HEBP1: variants seen among roughly 807,000 people sequenced by gnomAD.
The protein encoded by HEBP1 is heme-binding protein 1.
HEBP1 carries 13 observed loss-of-function variants against 20.4 expected under a neutral mutation model. The observed-to-expected ratio is 0.64, with a 90% CI of 0.42 to 1.01. The LOEUF (loss-of-function observed/expected upper bound fraction) is 1.01, where lower values mean the gene tolerates loss of function less well. Ranked by LOEUF, HEBP1 falls within the 50% of genes least tolerant of loss-of-function variation. HEBP1 has a pLI of 0.00. For missense variants in HEBP1, 241 were observed against 247.3 expected (o/e 0.97, Z 0.17); for synonymous variants, 92 against 90.7 (o/e 1.01, Z -0.08).
At chr12:12,992,287 T>C (rs1864233701) in intron 1 of HEBP1, among the ~76,000 whole-genome samples, 1 of 152,180 alleles carries the variant, frequency 6.6e-6, no homozygotes, top group Admixed American at 6.5e-5. Context: ...AAGAGCAACC[T>C]TCACCCCCCA....
At chr12:12,991,020 CA>C (rs1864218862) in intron 1 of HEBP1, among the ~76,000 whole-genome samples, 1 of 152,124 alleles carries the variant, frequency 6.6e-6, no homozygotes, top group African/African-American at 2.4e-5. Flanking sequence ...CACTACCTGC[CA>C]AATTATCTTT....
intron 3 of HEBP1, among the ~76,000 whole-genome samples, chr12:12,976,768 G>A (rs1309882229): frequency 6.6e-6 from 1 of 152,236 alleles, no homozygotes; most frequent in Non-Finnish European, 1.5e-5. Flanking sequence ...ATATATTGAA[G>A]AGATTATAAG....
In HEBP1 at chr12:12,998,139, C is replaced by CCCTT. The variant is rs1864313388; in HGVS notation, c.78+1897_78+1898insAAGG. Among the ~76,000 whole-genome samples the CCCTT allele has an allele frequency of 6.6e-6, 1 of 151,108 alleles. No individual in the cohort carries two copies. The highest frequency in any genetic ancestry group is 6.6e-5 in the Admixed American group (1 of 15,148). On this transcript the variant is annotated intron_variant, in intron 1 of 3. Transcript: ENST00000014930. This position sits in a 1 kb window ranked among gnomAD's most constrained non-coding sequence, Gnocchi z 4.2. ...CTCCTAATACTCCCTATTCCTCACT[C>CCCTT]CCCTGCTTGCTTTTCTTCACAGCAC...
chr12:12,991,684 C>T (rs970077492), intron 1 of HEBP1, among the ~76,000 whole-genome samples: 4 of 152,218 alleles, frequency 2.6e-5, no homozygotes, highest in Non-Finnish European at 4.4e-5. Context: ...GCATTTTTTA[C>T]AGCCTGTCTT....
At chr12:12,995,444 A>G (rs953863745) in intron 1 of HEBP1, among the ~76,000 whole-genome samples, 1 of 152,130 alleles carries the variant, frequency 6.6e-6, no homozygotes, top group Non-Finnish European at 1.5e-5. Flanking sequence ...ACCTAGTTTT[A>G]CTCTAATGAC....
At chr12:12,975,526 G>T in intron 3 of HEBP1, 47 bp from the exon 4 acceptor site, 1 of 1,511,344 alleles carries the variant, frequency 6.6e-7, no homozygotes, top group South Asian at 1.2e-5. Context: ...CATGACCTCT[G>T]AGAGAGGGGG....
At chr12:12,981,999 T>C (rs1167160945) in intron 3 of HEBP1, among the ~76,000 whole-genome samples, 3 of 152,218 alleles carry the variant, frequency 2.0e-5, no homozygotes, top group Non-Finnish European at 4.4e-5. Flanking sequence ...GTTTTTGTTT[T>C]TTATTTAGAG....
At chr12:12,988,654 C>T (rs191522631) in intron 2 of HEBP1, among the ~76,000 whole-genome samples, 2 of 152,292 alleles carry the variant, frequency 1.3e-5, no homozygotes, top group Admixed American at 6.5e-5. Flanking sequence ...GGGCTTCTCA[C>T]GAGTCAAACT....
chr12:12,978,292 C>A (rs1470896292), intron 3 of HEBP1, among the ~76,000 whole-genome samples: 1 of 139,356 alleles, frequency 7.2e-6, no homozygotes, highest in African/African-American at 2.8e-5. Flanking sequence ...CTCATTGCAA[C>A]CTCTGCCTCC....
chr12:12,984,072 A>G (rs1183719354), intron 3 of HEBP1: 3 of 189,112 alleles, frequency 1.6e-5, no homozygotes, highest in Non-Finnish European at 3.4e-5. Context: ...TTATAATTAC[A>G]CTCAAAAAAC....
rs1009967715 is a variant in HEBP1 at position 12,998,229 on chromosome 12, A to C, written c.78+1808T>G. The stretch of plus-strand genomic sequence containing the variant: ...TAGCCAATAAAACATAAGTTCCATG[A>C]GGGCAGAGAATTTTGCTGGTTTTAA... On this transcript the variant is annotated intron_variant, in intron 1 of 3. Transcript: ENST00000014930. The surrounding 1 kb of genome is among the most constrained non-coding windows in gnomAD (Gnocchi z 4.2). 6.6e-5 allele frequency among the ~76,000 whole-genome samples: 10 copies of C among 152,164 alleles called. No homozygotes were observed. The highest frequency in any genetic ancestry group is 2.4e-4 in the African/African-American group (10 of 41,444).
chr12:12,990,116 G>GCACACA lies in HEBP1; in HGVS notation c.79-707_79-702dup, dbSNP rs36210276. Among the ~76,000 whole-genome samples the GCACACA allele has an allele frequency of 6.8e-3, 1,017 of 149,604 alleles. 11 individuals are homozygous for GCACACA. Among genetic ancestry groups the GCACACA allele is most frequent in the African/African-American group, 0.024 (956 of 40,532 alleles). On this transcript the variant is annotated intron_variant, in intron 1 of 3. Transcript: ENST00000014930. ...CAAGCAAATAGTTGCTACTCTCTGT[G>GCACACA]CACACACACACACACACACACACAC... is the stretch of plus-strand genomic sequence containing the variant.
chr12:12,981,235 G>T (rs1015749039), intron 3 of HEBP1, among the ~76,000 whole-genome samples: 3 of 152,222 alleles, frequency 2.0e-5, no homozygotes, highest in Non-Finnish European at 4.4e-5. Flanking sequence ...AGAGAACACA[G>T]AAAGGGATCT....
At chr12:12,987,590 T>TTTTCTC (rs1555114931) in intron 2 of HEBP1, among the ~76,000 whole-genome samples, 2 of 133,212 alleles carry the variant, frequency 1.5e-5, no homozygotes, top group Admixed American at 1.6e-4. Context: ...ATCAGTCTCT[T>TTTTCTC]TCTCTCTCTC....
At chr12:12,985,414 G>A (rs946652469) in intron 3 of HEBP1, among the ~76,000 whole-genome samples, 5 of 151,964 alleles carry the variant, frequency 3.3e-5, no homozygotes, top group African/African-American at 1.2e-4. Context: ...TAGGGGATGG[G>A]CACATATGAT....
At chr12:12,978,341 G>A (rs184316548) in intron 3 of HEBP1, among the ~76,000 whole-genome samples, 13 of 150,362 alleles carry the variant, frequency 8.6e-5, no homozygotes, top group African/African-American at 3.2e-4. Flanking sequence ...TTCCCGAGTA[G>A]CTGGGACTAC....
intron 1 of HEBP1, among the ~76,000 whole-genome samples, chr12:12,993,912 G>A (rs1864261019): frequency 6.6e-6 from 1 of 152,146 alleles, no homozygotes; most frequent in Non-Finnish European, 1.5e-5. Flanking sequence ...TAGTTTATGG[G>A]GCATGGGTGT....
At chr12:12,978,589 T>A (rs1864032053) in intron 3 of HEBP1, among the ~76,000 whole-genome samples, 1 of 151,598 alleles carries the variant, frequency 6.6e-6, no homozygotes, top group Non-Finnish European at 1.5e-5. Context: ...ACAGGGGAAA[T>A]GGCAAGGGGT....
intron 1 of HEBP1, among the ~76,000 whole-genome samples, chr12:12,990,153 C>CACACAA (rs1258351594): frequency 1.2e-5 from 1 of 82,846 alleles, no homozygotes; most frequent in African/African-American, 3.3e-5. Flanking sequence ...CACACACAAA[C>CACACAA]ACACACACAT....
Sources: allele counts gnomAD v4.1 joint callset (sites outside exome capture counted in the v4.1 genomes callset), GRCh38; gene constraint gnomAD v4.1.1; non-coding constraint Gnocchi (gnomAD v3.1); transcripts MANE v1.5; gene names NCBI Gene and HGNC (gene_info 2026-07-23, HGNC 2026-07-21).